The following AKAP6 variants were observed in gnomAD, a reference collection of about 807,000 sequenced individuals.
The protein encoded by AKAP6 is A-kinase anchoring protein 6, also known as A-kinase anchor protein 6.
AKAP6 carries 58 observed loss-of-function variants against 188.5 expected under a neutral mutation model. The ratio of observed to expected loss-of-function variants is 0.31; its 90% CI spans 0.25 to 0.38. AKAP6 has a LOEUF of 0.38. AKAP6 is among the 10% of genes least tolerant of loss of function. AKAP6 has a pLI of 1.00. For missense variants in AKAP6, 2,710 were observed against 2,740.0 expected (o/e 0.99, Z 0.24); for synonymous variants, 989 against 998.6 (o/e 0.99, Z 0.18).
At chr14:32,575,516 C>A (rs1026450893) in intron 4 of AKAP6, among the ~76,000 whole-genome samples, 2 of 152,100 alleles carry the variant, frequency 1.3e-5, no homozygotes, top group Non-Finnish European at 2.9e-5. Context: ...TGTTAAACTA[C>A]CATATAGTTC....
intron 9 of AKAP6, among the ~76,000 whole-genome samples, chr14:32,714,297 T>C (rs189227563): frequency 6.6e-6 from 1 of 152,070 alleles, no homozygotes; most frequent in African/African-American, 2.4e-5. Flanking sequence ...ATTACTAAAA[T>C]GTAACGCAGA....
chr14:32,649,513 G>A (rs1888121666), intron 7 of AKAP6, among the ~76,000 whole-genome samples: 1 of 151,926 alleles, frequency 6.6e-6, no homozygotes, highest in South Asian at 2.1e-4. Context: ...TATTTCTAAG[G>A]CATAAAGTGA....
intron 2 of AKAP6, among the ~76,000 whole-genome samples, chr14:32,510,451 C>CATACACAT (rs1881181507): frequency 2.8e-5 from 1 of 35,826 alleles, no homozygotes; most frequent in Non-Finnish European, 5.8e-5. Context: ...TATATATATA[C>CATACACAT]ATATATATGT....
intron 1 of AKAP6, among the ~76,000 whole-genome samples, chr14:32,423,839 G>A (rs1312500545): frequency 2.0e-5 from 3 of 152,078 alleles, no homozygotes; most frequent in Admixed American, 6.6e-5. Flanking sequence ...TGCATGAAAT[G>A]ATCCTTAAAA....
At chr14:32,723,550 T>C (rs1364358091) in intron 9 of AKAP6, among the ~76,000 whole-genome samples, 4 of 144,548 alleles carry the variant, frequency 2.8e-5, no homozygotes, top group African/African-American at 1.0e-4. Flanking sequence ...TATGTGTGCG[T>C]ATGTGTTTAT....
intron 2 of AKAP6, among the ~76,000 whole-genome samples, chr14:32,532,057 G>C (rs887955107): frequency 6.6e-6 from 1 of 152,150 alleles, no homozygotes; most frequent in African/African-American, 2.4e-5. Context: ...ATAAGAAACT[G>C]CTAACCTGTT....
At chr14:32,553,620 T>A (rs777529170) in intron 4 of AKAP6, among the ~76,000 whole-genome samples, 1 of 152,240 alleles carries the variant, frequency 6.6e-6, no homozygotes, top group Non-Finnish European at 1.5e-5. Context: ...TGATCACTAT[T>A]GTTTTTAGTA....
At chr14:32,803,719 A>G (rs769007113) in intron 12 of AKAP6, among the ~76,000 whole-genome samples, 30 of 152,296 alleles carry the variant, frequency 2.0e-4, no homozygotes, top group Non-Finnish European at 4.1e-4. Flanking sequence ...AATCTCACTC[A>G]TGCCCATAAC....
intron 9 of AKAP6, among the ~76,000 whole-genome samples, chr14:32,701,071 C>T (rs1009190136): frequency 2.0e-5 from 3 of 152,124 alleles, no homozygotes; most frequent in African/African-American, 7.2e-5. Context: ...TAAGTCCAAA[C>T]ATGTCCTCTG....
At chr14:32,683,047 G>A (rs1344016713) in intron 8 of AKAP6, among the ~76,000 whole-genome samples, 1 of 143,002 alleles carries the variant, frequency 7.0e-6, no homozygotes, top group Non-Finnish European at 1.5e-5. Flanking sequence ...AGGCTGGAGT[G>A]CAGTGGCGTG....
chr14:32,719,577 AG>A (rs1243089264), intron 9 of AKAP6, among the ~76,000 whole-genome samples: 1 of 152,182 alleles, frequency 6.6e-6, no homozygotes, highest in Non-Finnish European at 1.5e-5. Flanking sequence ...AGAAATATAT[AG>A]TTTCTTCCTT....
At chr14:32,589,977 T>A (rs886161135) in intron 5 of AKAP6, among the ~76,000 whole-genome samples, 1 of 151,920 alleles carries the variant, frequency 6.6e-6, no homozygotes, top group African/African-American at 2.4e-5. Context: ...ACTTCTCTAT[T>A]GCATTATGTG....
At chr14:32,361,314 T>C (rs1467727882) in intron 1 of AKAP6, among the ~76,000 whole-genome samples, 1 of 152,064 alleles carries the variant, frequency 6.6e-6, no homozygotes, top group South Asian at 2.1e-4. Flanking sequence ...TGCATGTGCT[T>C]ATGCTTGTAT....
intron 12 of AKAP6, among the ~76,000 whole-genome samples, chr14:32,797,653 A>G (rs1261202981): frequency 2.0e-5 from 3 of 152,212 alleles, no homozygotes; most frequent in Non-Finnish European, 4.4e-5. Context: ...GAGCATCAGG[A>G]TGAATAGCTA....
intron 1 of AKAP6, among the ~76,000 whole-genome samples, chr14:32,372,380 G>A (rs992672074): frequency 6.6e-6 from 1 of 152,008 alleles, no homozygotes; most frequent in African/African-American, 2.4e-5. Flanking sequence ...AGGCCGAGGA[G>A]GGGATGTTTT....
At chr14:32,344,620 A>G (rs994117619) in intron 1 of AKAP6, among the ~76,000 whole-genome samples, 1 of 152,304 alleles carries the variant, frequency 6.6e-6, no homozygotes, top group Middle Eastern at 3.4e-3. Flanking sequence ...GTATAAGAGT[A>G]TATACATAAG....
At chr14:32,522,859 T>C (rs1328784081) in intron 2 of AKAP6, among the ~76,000 whole-genome samples, 1 of 152,168 alleles carries the variant, frequency 6.6e-6, no homozygotes, top group Non-Finnish European at 1.5e-5. Flanking sequence ...CAAAGGATTA[T>C]AAAGACACAT....
chr14:32,668,478 C>T (rs1470792898), intron 7 of AKAP6, among the ~76,000 whole-genome samples: 2 of 152,014 alleles, frequency 1.3e-5, no homozygotes, highest in Non-Finnish European at 2.9e-5. Flanking sequence ...ATGTTAATTT[C>T]TCAACTTTGT....
intron 5 of AKAP6, among the ~76,000 whole-genome samples, chr14:32,592,810 G>A (rs1042753348): frequency 2.0e-5 from 3 of 152,056 alleles, no homozygotes; most frequent in Admixed American, 6.6e-5. Flanking sequence ...AACATTTCCC[G>A]TCATCTATAG....
Sources: gnomAD v4.1 joint callset for allele counts (sites outside exome capture counted in the v4.1 genomes callset) on GRCh38, gnomAD v4.1.1 for gene constraint, MANE v1.5 for transcripts, NCBI Gene and HGNC (gene_info 2026-07-23, HGNC 2026-07-21) for gene names.